RANBP2: variants seen among roughly 807,000 people sequenced by gnomAD.
RANBP2 encodes RAN binding protein 2.
In RANBP2, 57 loss-of-function variants were observed where a neutral mutation model predicts 303.6. That is an observed-to-expected ratio of 0.19 (90% confidence interval 0.15 to 0.23). The LOEUF (loss-of-function observed/expected upper bound fraction) is 0.23, where lower values mean the gene tolerates loss of function less well. Ranked by LOEUF, RANBP2 falls within the 10% of genes least tolerant of loss-of-function variation. The probability of loss-of-function intolerance (pLI) is 1.00; values close to 1 mark genes in which losing one functional copy is unlikely to be tolerated. For missense variants in RANBP2, 3,138 were observed against 3,780.8 expected (o/e 0.83, Z 4.46); for synonymous variants, 1,167 against 1,301.5 (o/e 0.90, Z 2.23).
the RANBP2 span, among the ~76,000 whole-genome samples, chr2:108,834,075 G>A: frequency 6.6e-6 from 1 of 151,322 alleles, no homozygotes; most frequent in Non-Finnish European, 1.5e-5. Context: ...GCAGTAGATC[G>A]AATAATAAGG....
the RANBP2 span, among the ~76,000 whole-genome samples, chr2:109,368,849 G>A: frequency 1.3e-5 from 2 of 152,076 alleles, no homozygotes; most frequent in Non-Finnish European, 2.9e-5. Context: ...TCTGATGTGT[G>A]GGAAGCCTTT....
the RANBP2 span, among the ~76,000 whole-genome samples, chr2:109,531,136 C>T: frequency 1.3e-5 from 2 of 152,194 alleles, no homozygotes; most frequent in Admixed American, 6.5e-5. Flanking sequence ...GCTAGCCCTT[C>T]ACCCAGGATC....
the RANBP2 span, among the ~76,000 whole-genome samples, chr2:109,056,077 G>GTTATGATTA: frequency 6.6e-6 from 1 of 151,918 alleles, no homozygotes; most frequent in Admixed American, 6.6e-5. Flanking sequence ...AGTATTATCT[G>GTTATGATTA]TTATGATTAT....
chr2:108,742,465 G>A (rs771004181), intron 7 of RANBP2, among the ~76,000 whole-genome samples: 16 of 151,620 alleles, frequency 1.1e-4, no homozygotes, highest in East Asian at 2.0e-4. Flanking sequence ...CACCATGCCT[G>A]GCTAATTTTT....
the RANBP2 span, chr2:109,347,800 G>A: frequency 4.3e-6 from 7 of 1,613,858 alleles, no homozygotes; most frequent in South Asian, 4.4e-5. Flanking sequence ...GTGGTACCAC[G>A]GCGAGCTGCA....
the RANBP2 span, among the ~76,000 whole-genome samples, chr2:109,124,813 C>G: frequency 6.6e-5 from 10 of 152,194 alleles, no homozygotes; most frequent in Admixed American, 5.2e-4. Flanking sequence ...GGTTGCCTGA[C>G]TAAACCTTCC....
At chr2:109,493,500 A>G in the RANBP2 span, among the ~76,000 whole-genome samples, 2 of 151,184 alleles carry the variant, frequency 1.3e-5, no homozygotes, top group African/African-American at 4.9e-5. Flanking sequence ...ACACCATACA[A>G]ACACATACCT....
chr2:108,819,217 T>G, the RANBP2 span, among the ~76,000 whole-genome samples: 1 of 152,026 alleles, frequency 6.6e-6, no homozygotes, highest in African/African-American at 2.4e-5. Flanking sequence ...GCTAAAACAT[T>G]AAAAAGAAGG....
chr2:109,613,927 G>A, the RANBP2 span: 1 of 1,222,572 alleles, frequency 8.2e-7, no homozygotes, highest in Non-Finnish European at 1.0e-6. Context: ...GAAGCAACGG[G>A]CGGGGCGCGA....
the RANBP2 span, among the ~76,000 whole-genome samples, chr2:109,142,604 C>T: frequency 6.6e-6 from 1 of 152,172 alleles, no homozygotes; most frequent in Non-Finnish European, 1.5e-5. Context: ...CACCAGAAGC[C>T]TCTCTGGGTT....
At chr2:109,597,155 G>GCT in the RANBP2 span, among the ~76,000 whole-genome samples, 1 of 152,010 alleles carries the variant, frequency 6.6e-6, no homozygotes, top group Admixed American at 6.6e-5. Flanking sequence ...TGCCCAGGCT[G>GCT]GTCTCGAACT....
rs375740272 is a variant in RANBP2 at position 108,765,589 on chromosome 2, A to G, written c.5050A>G (p.Lys1684Glu). The G allele has an allele frequency of 9.5e-5, 139 of 1,463,856 alleles. No homozygotes were observed. Among genetic ancestry groups the G allele is most frequent in the South Asian group, 4.6e-5 (4 of 86,228 alleles). 90.7% of individuals were successfully genotyped at this position (1,463,856 alleles called of 1,614,324 possible). A position where few individuals can be genotyped will look rare whatever the true frequency, so the allele number is the denominator to read the frequency against. Residue 1684 changes from lysine (K) to glutamate (E), a missense_variant, in exon 20 of 29, where the codon AAA becomes GAA. This residue lies in a region of RANBP2 where 51 missense variants were observed against 112.1 expected (regional missense o/e 0.45). Transcript: ENST00000283195. ...AGTAAGAAATGAAGCCAGTGCTACCAAATGTATTGCTTGTCAGAATCCAGG... is the reference window on the plus strand; with the variant it reads ...AGTAAGAAATGAAGCCAGTGCTACCGAATGTATTGCTTGTCAGAATCCAGG... Reference protein sequence around the residue: ...CLVRNEASATKCIACQNPGKQ... With the variant: ...CLVRNEASATECIACQNPGKQ...
the RANBP2 span, among the ~76,000 whole-genome samples, chr2:109,367,815 A>G: frequency 5.9e-5 from 9 of 152,208 alleles, no homozygotes; most frequent in African/African-American, 2.2e-4. Context: ...TAGAGTTCCT[A>G]GGAGTGGCTA....
chr2:109,104,782 C>T, the RANBP2 span, among the ~76,000 whole-genome samples: 40 of 152,164 alleles, frequency 2.6e-4, no homozygotes, highest in African/African-American at 8.4e-4. Context: ...CGTGCCCAGC[C>T]GGGATTAGGT....
chr2:109,546,290 C>T, the RANBP2 span: 7 of 1,242,994 alleles, frequency 5.6e-6, no homozygotes, highest in South Asian at 4.9e-5. Flanking sequence ...AGCAGAGGCA[C>T]GCTCTCCAGC....
At chr2:109,315,847 G>T in the RANBP2 span, among the ~76,000 whole-genome samples, 1 of 152,174 alleles carries the variant, frequency 6.6e-6, no homozygotes, top group Admixed American at 6.5e-5. Context: ...GATCTTACCT[G>T]TCAGGACGTG....
the RANBP2 span, among the ~76,000 whole-genome samples, chr2:108,834,556 ACAT>A: frequency 6.6e-6 from 1 of 152,226 alleles, no homozygotes; most frequent in Admixed American, 6.5e-5. Context: ...CAAATAGTTG[ACAT>A]CAATCCATGA....
At chr2:109,364,560 T>C in the RANBP2 span, among the ~76,000 whole-genome samples, 7 of 152,330 alleles carry the variant, frequency 4.6e-5, no homozygotes, top group East Asian at 1.4e-3. Flanking sequence ...CCAGACATGG[T>C]GGACTGGGTA....
At chr2:108,944,857 TG>T in the RANBP2 span, among the ~76,000 whole-genome samples, 353 of 152,256 alleles carry the variant, frequency 2.3e-3, 1 homozygote, top group African/African-American at 8.1e-3. Context: ...CCAGGAGCTA[TG>T]GTCGCCGCCA....
Sources: gnomAD v4.1 joint callset for allele counts (sites outside exome capture counted in the v4.1 genomes callset) on GRCh38, gnomAD v4.1.1 for gene constraint, gnomAD v4.1.1 regional missense constraint, MANE v1.5 for transcripts, NCBI Gene and HGNC (gene_info 2026-07-23, HGNC 2026-07-21) for gene names.